The following ADD2 variants were observed in gnomAD, a reference collection of about 807,000 sequenced individuals.
The protein encoded by ADD2 is beta-adducin.
ADD2 carries 23 observed loss-of-function variants against 83.0 expected under a neutral mutation model. The observed-to-expected ratio is 0.28, with a 90% CI of 0.20 to 0.39. The LOEUF is 0.39. ADD2 is among the 10% of genes least tolerant of loss of function. ADD2 has a pLI of 1.00. For missense variants in ADD2, 758 were observed against 944.9 expected (o/e 0.80, Z 2.59); for synonymous variants, 375 against 375.4 (o/e 1.00, Z 0.01).
chr2:70,678,594 C>T, intron 11 of ADD2, 110 bp downstream of exon 11: 3 of 1,442,324 alleles, frequency 2.1e-6, no homozygotes, highest in Non-Finnish European at 2.7e-6. Context: ...AAAGAGGATG[C>T]TACTAACCTG....
chr2:70,691,797 C>T (rs1401045281), intron 7 of ADD2: 2 of 152,208 alleles, frequency 1.3e-5, no homozygotes, highest in Non-Finnish European at 2.9e-5. Context: ...ACAAGTCAGC[C>T]TACTCTGTCC....
intron 1 of ADD2, among the ~76,000 whole-genome samples, chr2:70,728,504 G>C (rs1367254689): frequency 6.6e-6 from 1 of 152,188 alleles, no homozygotes; most frequent in South Asian, 2.1e-4. Context: ...TTCGAGAAGA[G>C]GTGCACTAGG....
rs139808041 is a variant in ADD2 at position 70,688,098 on chromosome 2, C to A, written c.874G>T (p.Val292Leu). Residue 292 changes from valine to leucine, a missense_variant, in exon 9 of 16, where the codon GTG becomes TTG. This residue lies in a region of ADD2 where 394 missense variants were observed against 509.3 expected (regional missense o/e 0.77). Coordinates refer to ENST00000264436, the MANE Select transcript of ADD2 (RefSeq NM_001617.4). ...TCTACCGTGTCACCCAGAGCAACCA[C>A]TCCATGGTTTCTTAGCACCAGGATC... ...CKILVLRNHG[V>L]VALGDTVEEA... 2.5e-4 allele frequency: 402 copies of A among 1,613,990 alleles called. No individual in the cohort carries two copies. The highest frequency in any genetic ancestry group is 3.3e-4 in the Non-Finnish European group (387 of 1,179,950).
intron 1 of ADD2, among the ~76,000 whole-genome samples, chr2:70,735,882 T>TTTTTTTTTTTTTTTTTTTTC (rs375014240): frequency 1.4e-5 from 2 of 140,630 alleles, no homozygotes; most frequent in African/African-American, 2.9e-5. Flanking sequence ...TTTTTTTTTT[T>TTTTTTTTTTTTTTTTTTTTC]AGTAAAGATG....
chr2:70,658,137 A>C lies in ADD2; in HGVS notation c.*5288T>G, dbSNP rs1487919178. The C allele has an allele frequency of 1.3e-5, 2 of 152,194 alleles. No individual in the cohort carries two copies. The highest frequency in any genetic ancestry group is 2.9e-5 in the Non-Finnish European group (2 of 68,042). 9.4% of individuals were successfully genotyped at this position (152,194 alleles called of 1,614,324 possible). A position where few individuals can be genotyped will look rare whatever the true frequency, so the allele number is the denominator to read the frequency against. On this transcript the variant is annotated 3_prime_UTR_variant, in exon 16 of 16. Coordinates refer to ENST00000264436, the MANE Select transcript of ADD2 (RefSeq NM_001617.4). ...CTGGAGATTCTTCCTAATTGTTCCT[A>C]AGATGAAAAGCCTACATTCTCAAGG...
At chr2:70,759,345 T>G (rs1191180009) in intron 1 of ADD2, among the ~76,000 whole-genome samples, 1 of 152,184 alleles carries the variant, frequency 6.6e-6, no homozygotes, top group African/African-American at 2.4e-5. Flanking sequence ...TATTTTTAGC[T>G]GCATCTGGTG....
chr2:70,673,334 G>T (rs1669987472), intron 14 of ADD2: 2 of 1,613,742 alleles, frequency 1.2e-6, no homozygotes, highest in African/African-American at 2.7e-5. Flanking sequence ...TCTCTGAAGA[G>T]AACCAGCCAG....
chr2:70,656,798 C>T lies in ADD2; in HGVS notation c.*6627G>A, dbSNP rs1326067517. 1.3e-5 allele frequency: 2 copies of T among 152,054 alleles called. No homozygotes were observed. The highest frequency in any genetic ancestry group is 1.5e-5 in the Non-Finnish European group (1 of 68,042). The allele number at this position is 152,054 out of a possible 1,614,324, so 9.4% of individuals were successfully genotyped here. ...GGCACACACACTGGGAAGCCAAGCA[C>T]GTTAGATTTACTAGGGTCATGTCTG... On this transcript the variant is annotated 3_prime_UTR_variant, in exon 16 of 16. Transcript: ENST00000264436.
At chr2:70,704,278 C>CA in intron 4 of ADD2, 43 bp downstream of exon 4, 1 of 1,465,574 alleles carries the variant, frequency 6.8e-7, no homozygotes, top group Non-Finnish European at 9.3e-7. Flanking sequence ...ACCCCACCCT[C>CA]CCCTCCACCT....
At chr2:70,720,207 G>A (rs1020348005) in intron 1 of ADD2, among the ~76,000 whole-genome samples, 2 of 152,142 alleles carry the variant, frequency 1.3e-5, no homozygotes, top group Non-Finnish European at 2.9e-5. Flanking sequence ...CCAGACTGGG[G>A]AAGCTGTGAA....
rs530109557 is a variant in ADD2 at position 70,662,732 on chromosome 2, C to T, written c.*693G>A. 6.6e-6 allele frequency: 1 copy of T among 152,312 alleles called. No homozygotes were observed. The highest frequency in any genetic ancestry group is 1.9e-4 in the East Asian group (1 of 5,184). The allele number at this position is 152,312 out of a possible 1,614,324, so 9.4% of individuals were successfully genotyped here. A position where few individuals can be genotyped will look rare whatever the true frequency, so the allele number is the denominator to read the frequency against. On this transcript the variant is annotated 3_prime_UTR_variant, in exon 16 of 16. Coordinates refer to ENST00000264436, the MANE Select transcript of ADD2 (RefSeq NM_001617.4). ...GGCCTCTTATGTTGATGAAACCATC[C>T]CCAATCCTCAGCTTACATGGCTTGC...
At chr2:70,727,893 C>CAATA (rs60082478) in intron 1 of ADD2, among the ~76,000 whole-genome samples, 25,342 of 140,270 alleles carry the variant, frequency 0.18, 2,653 homozygotes, top group East Asian at 0.42. Flanking sequence ...GAGACTCTGT[C>CAATA]AATAAATAAA....
chr2:70,663,880 C>T (rs1453758102), intron 15 of ADD2, 145 bp from the exon 16 acceptor site: 1 of 885,226 alleles, frequency 1.1e-6, no homozygotes, highest in African/African-American at 1.7e-5. Context: ...GGATGGCTAC[C>T]AGAGACAGAT....
intron 1 of ADD2, among the ~76,000 whole-genome samples, chr2:70,752,155 C>G (rs1030406624): frequency 3.9e-5 from 6 of 152,092 alleles, no homozygotes; most frequent in Non-Finnish European, 8.8e-5. Context: ...AACAAGGACA[C>G]AGAAACCCTA....
chr2:70,718,519 G>A (rs1391953397), intron 1 of ADD2, among the ~76,000 whole-genome samples: 4 of 152,248 alleles, frequency 2.6e-5, no homozygotes, highest in African/African-American at 4.8e-5. Context: ...GATCAGAAAT[G>A]AATGTGTTTA....
intron 1 of ADD2, among the ~76,000 whole-genome samples, chr2:70,757,609 A>G (rs528001460): frequency 3.2e-4 from 49 of 152,254 alleles, no homozygotes; most frequent in Admixed American, 3.2e-3. Context: ...AAATTCTAAA[A>G]AAAGGGATGC....
At chr2:70,669,145 G>C (rs1029179211) in intron 15 of ADD2, among the ~76,000 whole-genome samples, 3 of 152,210 alleles carry the variant, frequency 2.0e-5, no homozygotes, top group Non-Finnish European at 4.4e-5. Context: ...AGGGGAAGAA[G>C]AGCAACAAGC....
At chr2:70,723,272 A>G (rs185958230) in intron 1 of ADD2, among the ~76,000 whole-genome samples, 7 of 152,352 alleles carry the variant, frequency 4.6e-5, no homozygotes, top group Admixed American at 3.3e-4. Flanking sequence ...AGCATTATCT[A>G]AGATAATATA....
chr2:70,710,346 GA>G (rs1268304060), intron 2 of ADD2, among the ~76,000 whole-genome samples: 1 of 152,226 alleles, frequency 6.6e-6, no homozygotes, highest in Non-Finnish European at 1.5e-5. Context: ...CCCAGTAACT[GA>G]TCTGTGAAGG....
Sources: gnomAD v4.1 joint callset for allele counts (sites outside exome capture counted in the v4.1 genomes callset) on GRCh38, gnomAD v4.1.1 for gene constraint, gnomAD v4.1.1 regional missense constraint, MANE v1.5 for transcripts, NCBI Gene and HGNC (gene_info 2026-07-23, HGNC 2026-07-21) for gene names.